ZNF704: variants seen among roughly 807,000 people sequenced by gnomAD.
The protein encoded by ZNF704 is zinc finger protein 704.
Under a neutral mutation model 44.7 loss-of-function variants are expected in ZNF704, and 10 were observed. The observed-to-expected ratio is 0.22, with a 90% CI of 0.14 to 0.38. The LOEUF (loss-of-function observed/expected upper bound fraction) is 0.38. ZNF704 is among the 10% of genes least tolerant of loss of function. ZNF704 has a pLI of 1.00. For missense variants in ZNF704, 390 were observed against 545.5 expected, an observed-to-expected ratio of 0.71 and a Z score of 2.84; for synonymous variants, 211 against 207.6, an observed-to-expected ratio of 1.02 and a Z score of -0.14.
At chr8:80,726,705 G>A (rs894581811) in intron 2 of ZNF704, among the ~76,000 whole-genome samples, 17 of 152,180 alleles carry the variant, frequency 1.1e-4, no homozygotes, top group African/African-American at 4.1e-4. Context: ...TTCAGTGTAT[G>A]TTTAAAAATT....
chr8:80,850,934 C>T (rs1430134456), intron 1 of ZNF704, among the ~76,000 whole-genome samples: 1 of 152,194 alleles, frequency 6.6e-6, no homozygotes, highest in Non-Finnish European at 1.5e-5. Flanking sequence ...TGGGCTATCA[C>T]AGTTGCACAT....
intron 2 of ZNF704, among the ~76,000 whole-genome samples, chr8:80,763,475 C>A (rs1278548576): frequency 6.6e-6 from 1 of 152,180 alleles, no homozygotes; most frequent in Non-Finnish European, 1.5e-5. Context: ...CTGTGGTGTA[C>A]CTTGGCCCTT....
At chr8:80,707,541 G>A (rs1818916485) in intron 2 of ZNF704, among the ~76,000 whole-genome samples, 1 of 152,104 alleles carries the variant, frequency 6.6e-6, no homozygotes, top group South Asian at 2.1e-4. Context: ...CCTCTACACT[G>A]ACACCTGTTC....
intron 2 of ZNF704, among the ~76,000 whole-genome samples, chr8:80,781,137 C>T (rs768745617): frequency 3.9e-5 from 6 of 152,160 alleles, no homozygotes; most frequent in African/African-American, 4.8e-5. Context: ...GGGTGAATTT[C>T]AAGAGCTTGC....
chr8:80,733,323 T>G (rs1003178795), intron 2 of ZNF704, among the ~76,000 whole-genome samples: 1 of 152,208 alleles, frequency 6.6e-6, no homozygotes, highest in Non-Finnish European at 1.5e-5. Context: ...CTGCCTTATC[T>G]CCTCATGATC....
chr8:80,795,808 A>G (rs191316151), intron 2 of ZNF704, among the ~76,000 whole-genome samples: 455 of 152,352 alleles, frequency 3.0e-3, no homozygotes, highest in Admixed American at 5.1e-3. Context: ...ATAAATATGA[A>G]ATCAACCAAC....
chr8:80,814,677 AAAAAG>A (rs1273671993), intron 2 of ZNF704, among the ~76,000 whole-genome samples: 1 of 152,204 alleles, frequency 6.6e-6, no homozygotes, highest in African/African-American at 2.4e-5. Context: ...TCTATTTTTT[AAAAAG>A]AAATGTTCTA....
In ZNF704 at chr8:80,853,965, A is replaced by C. The variant is rs913481731; in HGVS notation, c.-22+20606T>G. On this transcript the variant is annotated intron_variant, in intron 1 of 8. Coordinates refer to ENST00000327835, the MANE Select transcript of ZNF704 (RefSeq NM_001033723.3). ...AAGGAAGATATCAACACAAAAATCT[A>C]CTAATACTTTGCAGATAAGATAAAG... 2.6e-5 allele frequency among the ~76,000 whole-genome samples: 4 copies of C among 152,244 alleles called. No homozygotes were observed. The South Asian group carries it at 8.3e-4, about 31-fold the overall frequency.
chr8:80,836,261 C>T (rs1808556535), intron 1 of ZNF704, among the ~76,000 whole-genome samples: 1 of 152,208 alleles, frequency 6.6e-6, no homozygotes, highest in Non-Finnish European at 1.5e-5. Context: ...CCTTGCTGGC[C>T]TTGAACATGC....
intron 2 of ZNF704, among the ~76,000 whole-genome samples, chr8:80,799,937 G>A (rs1311902407): frequency 6.6e-6 from 1 of 152,084 alleles, no homozygotes; most frequent in East Asian, 1.9e-4. Flanking sequence ...CAATACAGGA[G>A]CTGATAGCCA....
chr8:80,876,070 T>C (rs889679532), upstream of ZNF704, among the ~76,000 whole-genome samples: 2 of 152,312 alleles, frequency 1.3e-5, no homozygotes, highest in South Asian at 2.1e-4. Flanking sequence ...TTCCCAAAGC[T>C]CTTACAGCAT....
At chr8:80,799,457 T>C (rs1055237950) in intron 2 of ZNF704, among the ~76,000 whole-genome samples, 18 of 152,132 alleles carry the variant, frequency 1.2e-4, no homozygotes, top group Admixed American at 9.2e-4. Flanking sequence ...TTTTAAGAGT[T>C]TGACTGATAC....
chr8:80,703,042 T>C (rs1385675374), intron 2 of ZNF704, among the ~76,000 whole-genome samples: 3 of 151,914 alleles, frequency 2.0e-5, no homozygotes, highest in Non-Finnish European at 4.4e-5. Flanking sequence ...ACACAGAAAT[T>C]CACTCTTGGG....
chr8:80,883,539 A>T, the ZNF704 span, among the ~76,000 whole-genome samples: 1 of 152,136 alleles, frequency 6.6e-6, no homozygotes, highest in Non-Finnish European at 1.5e-5. Context: ...ATTTACTTTT[A>T]ATTAAAGTAT....
chr8:80,830,255 G>A (rs1808447687), intron 1 of ZNF704, among the ~76,000 whole-genome samples: 1 of 152,100 alleles, frequency 6.6e-6, no homozygotes, highest in South Asian at 2.1e-4. Flanking sequence ...TGTACACTGA[G>A]GCAGAATGGA....
chr8:80,787,293 C>T (rs536858826), intron 2 of ZNF704, among the ~76,000 whole-genome samples: 8 of 152,244 alleles, frequency 5.3e-5, no homozygotes, highest in Non-Finnish European at 7.4e-5. Context: ...TGAGAGCACA[C>T]GTGTGTATAT....
intron 1 of ZNF704, among the ~76,000 whole-genome samples, chr8:80,847,224 C>T (rs1261525129): frequency 1.3e-5 from 2 of 151,870 alleles, no homozygotes; most frequent in African/African-American, 2.4e-5. Context: ...GTACCACTTA[C>T]AGTCACCCCT....
intron 3 of ZNF704, 32 bp from the exon 4 acceptor site, chr8:80,687,490 AC>A: frequency 6.9e-7 from 1 of 1,451,438 alleles, no homozygotes. Flanking sequence ...CAGTGCCAGG[AC>A]CCCTGCGTGC....
At chr8:80,709,972 A>G (rs1362651646) in intron 2 of ZNF704, among the ~76,000 whole-genome samples, 1 of 152,140 alleles carries the variant, frequency 6.6e-6, no homozygotes, top group East Asian at 1.9e-4. Flanking sequence ...CTAGGATCTC[A>G]TATCTTTCAA....
Sources: allele counts gnomAD v4.1 joint callset (sites outside exome capture counted in the v4.1 genomes callset), GRCh38; gene constraint gnomAD v4.1.1; transcripts MANE v1.5; gene names NCBI Gene and HGNC (gene_info 2026-07-23, HGNC 2026-07-21).